IREB2: variants seen among roughly 807,000 people sequenced by gnomAD.
IREB2 encodes the protein iron-responsive element-binding protein 2.
Under a neutral mutation model 118.8 loss-of-function variants are expected in IREB2, and 39 were observed. The ratio of observed to expected loss-of-function variants is 0.33; its 90% CI spans 0.25 to 0.43. The LOEUF (loss-of-function observed/expected upper bound fraction) is 0.43. Among genes scored for constraint, IREB2 ranks in the 20% least tolerant of loss-of-function variants. The pLI, the probability that IREB2 is intolerant of heterozygous loss-of-function variation, is 1.00. For synonymous variants in IREB2, 372 were observed against 392.2 expected (o/e 0.95, Z 0.61); for missense variants, 900 against 1,147.3 (o/e 0.78, Z 3.11).
At chr15:78,457,135 G>A in intron 2 of IREB2, among the ~76,000 whole-genome samples, 1 of 151,730 alleles carries the variant, frequency 6.6e-6, no homozygotes, top group East Asian at 1.9e-4. Flanking sequence ...TTTTTTGTTT[G>A]CTTAGTACTC....
chr15:78,479,676 T>C (rs951017297), intron 10 of IREB2, among the ~76,000 whole-genome samples: 1 of 152,236 alleles, frequency 6.6e-6, no homozygotes, highest in African/African-American at 2.4e-5. Context: ...GGTTTACTTG[T>C]GTATTTTGCA....
At chr15:78,462,879 G>A (rs754960037) in intron 2 of IREB2, 43 bp from the exon 3 acceptor site, 22 of 1,425,520 alleles carry the variant, frequency 1.5e-5, no homozygotes, top group Admixed American at 4.5e-5. Flanking sequence ...TAATATATAG[G>A]TATGACTGTT....
chr15:78,439,027 C>T (rs1052743513), intron 1 of IREB2, among the ~76,000 whole-genome samples: 3 of 152,168 alleles, frequency 2.0e-5, no homozygotes, highest in African/African-American at 7.2e-5. Context: ...TGGCCACCCA[C>T]CGCTATGAGT....
chr15:78,487,845 T>C (rs1174769610), intron 14 of IREB2, 28 bp downstream of exon 14: 1 of 1,296,822 alleles, frequency 7.7e-7, no homozygotes, highest in South Asian at 1.2e-5. Flanking sequence ...GCAAGACATC[T>C]AAATGATTTT....
At chr15:78,480,686 TAAAAAAA>T (rs373261767) in intron 10 of IREB2, among the ~76,000 whole-genome samples, 1 of 89,742 alleles carries the variant, frequency 1.1e-5, no homozygotes, top group Non-Finnish European at 2.0e-5. Context: ...GAGACTGTCT[TAAAAAAA>T]AAAAAAAAAA....
chr15:78,459,389 G>T (rs2051159830), intron 2 of IREB2, among the ~76,000 whole-genome samples: 2 of 151,450 alleles, frequency 1.3e-5, no homozygotes, highest in South Asian at 2.1e-4. Context: ...TCGCTCTGTT[G>T]CCCAGGCTGG....
chr15:78,472,619 G>A (rs760066776), intron 7 of IREB2, among the ~76,000 whole-genome samples: 2 of 152,076 alleles, frequency 1.3e-5, no homozygotes, highest in Non-Finnish European at 2.9e-5. Flanking sequence ...CACCCACCTC[G>A]ACCTCCCAAA....
chr15:78,462,892 C>A (rs966784192), intron 2 of IREB2, 30 bp from the exon 3 acceptor site: 2 of 1,527,504 alleles, frequency 1.3e-6, no homozygotes, highest in African/African-American at 2.8e-5. Flanking sequence ...TGACTGTTTG[C>A]TTATTAATAG....
intron 6 of IREB2, among the ~76,000 whole-genome samples, chr15:78,471,417 G>A (rs2051374527): frequency 6.6e-6 from 1 of 152,204 alleles, no homozygotes; most frequent in South Asian, 2.1e-4. Flanking sequence ...AGTGGCTCTA[G>A]TTTAGGAGAG....
intron 4 of IREB2, 92 bp from the exon 5 acceptor site, chr15:78,466,178 TC>T: frequency 4.1e-6 from 3 of 727,816 alleles, no homozygotes; most frequent in Non-Finnish European, 4.5e-6. Context: ...TTCAGTTACT[TC>T]CAGATAGCGT....
intron 16 of IREB2, 37 bp from the exon 17 acceptor site, chr15:78,490,385 C>A: frequency 7.3e-7 from 1 of 1,375,428 alleles, no homozygotes; most frequent in Non-Finnish European, 1.0e-6. Context: ...GTCCTTTTAT[C>A]TTTGCTTTGG....
intron 2 of IREB2, among the ~76,000 whole-genome samples, chr15:78,462,277 C>A (rs553499502): frequency 2.0e-5 from 3 of 152,222 alleles, no homozygotes; most frequent in African/African-American, 7.2e-5. Context: ...CAACTAACCC[C>A]ATATTAATTC....
rs907191580 is a variant in IREB2, at chr15:78,447,608, G to A, written c.106+7727G>A. Among the ~76,000 whole-genome samples, 4 of 152,068 alleles carry A rather than the reference G, an allele frequency of 2.6e-5. No individual in the cohort carries two copies. The East Asian group carries it at 5.8e-4, about 22-fold the overall frequency. ...GGCCTCCCAAAGTGCTGGGAGTACAGGCGTGAGCCACCACTCCCGCTCTGA... is the reference window on the plus strand; with the variant it reads ...GGCCTCCCAAAGTGCTGGGAGTACAAGCGTGAGCCACCACTCCCGCTCTGA... On this transcript the variant is annotated intron_variant, in intron 2 of 21. Coordinates refer to ENST00000258886, the MANE Select transcript of IREB2 (RefSeq NM_004136.4).
At chr15:78,439,256 TG>T (rs1181133812) in intron 1 of IREB2, among the ~76,000 whole-genome samples, 1 of 152,222 alleles carries the variant, frequency 6.6e-6, no homozygotes, top group African/African-American at 2.4e-5. Context: ...TACTAAGCCC[TG>T]GTAAGGACTT....
intron 11 of IREB2, 107 bp downstream of exon 11, chr15:78,483,541 T>A: frequency 1.5e-6 from 1 of 666,598 alleles, no homozygotes; most frequent in African/African-American, 1.8e-5. Flanking sequence ...TTTTATATAT[T>A]ATGGCACACA....
At chr15:78,451,681 T>C (rs1276048681) in intron 2 of IREB2, among the ~76,000 whole-genome samples, 2 of 152,150 alleles carry the variant, frequency 1.3e-5, no homozygotes, top group African/African-American at 2.4e-5. Flanking sequence ...TGGAGCACTC[T>C]GGATTTTTTT....
chr15:78,487,219 G>C (rs2051676249), intron 13 of IREB2, among the ~76,000 whole-genome samples: 1 of 151,834 alleles, frequency 6.6e-6, no homozygotes, highest in Non-Finnish European at 1.5e-5. Flanking sequence ...TGGGACCTTT[G>C]GTCAGGTTAT....
intron 2 of IREB2, among the ~76,000 whole-genome samples, chr15:78,448,674 C>T (rs577905711): frequency 6.6e-6 from 1 of 152,284 alleles, no homozygotes; most frequent in Admixed American, 6.5e-5. Context: ...AGAACAGCTT[C>T]CTTATCTTTT....
At position 78,476,191 on chromosome 15, in the gene IREB2, C is replaced by T; in HGVS notation, c.1027C>T (p.Leu343Phe). ...IDVVLGITKH[L>F]RQVGVAGKFV... ...TTTCTGTGTATTCCTTATATAGCAC[C>T]TCAGGCAAGTAGGAGTGGCTGGAAA... The change falls in exon 9 of 22, where the codon CTC becomes TTC. Residue 343 changes from leucine (L) to phenylalanine (F), a missense_variant. Physicochemically the swap from Leu to Phe is conservative, Grantham distance 22. Transcript: ENST00000258886. 6.3e-7 allele frequency: 1 copy of T among 1,582,374 alleles called. No individual in the cohort carries two copies. The highest frequency in any genetic ancestry group is 8.6e-7 in the Non-Finnish European group (1 of 1,156,108).
Sources: allele counts gnomAD v4.1 joint callset (sites outside exome capture counted in the v4.1 genomes callset), GRCh38; gene constraint gnomAD v4.1.1; transcripts MANE v1.5; gene names NCBI Gene and HGNC (gene_info 2026-07-23, HGNC 2026-07-21).